Variants in METTL25 observed in about 807,000 individuals in gnomAD.
The protein encoded by METTL25 is methyltransferase like 25.
METTL25 carries 64 observed loss-of-function variants against 71.6 expected under a neutral mutation model. The ratio of observed to expected loss-of-function variants is 0.89; its 90% confidence interval spans 0.73 to 1.10. The LOEUF (loss-of-function observed/expected upper bound fraction) is 1.10, where lower values mean the gene tolerates loss of function less well. METTL25 is among the 50% of genes least tolerant of loss of function. METTL25 has a pLI of 0.00. For synonymous variants in METTL25, 287 were observed against 250.3 expected, an observed-to-expected ratio of 1.15 and a Z score of -1.38; for missense variants, 807 against 707.0, an observed-to-expected ratio of 1.14 and a Z score of -1.60.
intron 1 of METTL25, among the ~76,000 whole-genome samples, chr12:82,375,999 A>G (rs1300455262): frequency 1.3e-5 from 2 of 152,260 alleles, no homozygotes; most frequent in Non-Finnish European, 2.9e-5. Flanking sequence ...TTGTAGCACA[A>G]AACAAAATGG....
chr12:82,375,941 G>A (rs1883811229), intron 1 of METTL25, among the ~76,000 whole-genome samples: 1 of 152,112 alleles, frequency 6.6e-6, no homozygotes, highest in African/African-American at 2.4e-5. Flanking sequence ...TATGACCTCT[G>A]CCTTCAAAAA....
chr12:82,460,627 C>G (rs1365264764), intron 9 of METTL25, among the ~76,000 whole-genome samples: 2 of 152,174 alleles, frequency 1.3e-5, no homozygotes, highest in African/African-American at 4.8e-5. Context: ...AGTGGAGAAA[C>G]ATTCTACAAA....
Position 82,438,794 on chromosome 12 carries a change from A to G in METTL25, c.1478+3A>G. 6.7e-7 allele frequency: 1 copy of G among 1,489,366 alleles called. No individual in the cohort carries two copies. Among genetic ancestry groups the G allele is most frequent in the Non-Finnish European group, 9.2e-7 (1 of 1,089,126 alleles). 92.3% of individuals were successfully genotyped at this position (1,489,366 alleles called of 1,614,324 possible). ...GATTGTTATGGCATCACCAAATGGT[A>G]TGAGGATTTTATTTTAATAAGAATA... is the stretch of plus-strand genomic sequence containing the variant. On this transcript the variant is annotated splice_donor_region_variant and intron_variant, in intron 8 of 11. Coordinates refer to ENST00000248306, the MANE Select transcript of METTL25 (RefSeq NM_032230.3).
Position 82,371,335 on chromosome 12 carries a change from C to T in METTL25, c.259+12511C>T, listed in dbSNP as rs114228865. ...ATCATCTGGTTGGGGCCTCCTGGCC[C>T]GGAGAATCTTTGCCCTCTGGGGCAG... is the stretch of plus-strand genomic sequence containing the variant. On this transcript the variant is annotated intron_variant, in intron 1 of 11. Transcript: ENST00000248306. 3.6e-3 allele frequency among the ~76,000 whole-genome samples: 541 copies of T among 152,312 alleles called. 5 individuals are homozygous for T. The highest frequency in any genetic ancestry group is 0.012 in the African/African-American group (504 of 41,566).
intron 5 of METTL25, among the ~76,000 whole-genome samples, chr12:82,420,995 C>T (rs576331162): frequency 1.1e-4 from 17 of 151,960 alleles, no homozygotes; most frequent in Admixed American, 2.0e-4. Flanking sequence ...CGAAGTAGCT[C>T]GGATTACAGG....
chr12:82,400,575 A>G (rs1368221403), intron 4 of METTL25, among the ~76,000 whole-genome samples: 1 of 17,810 alleles, frequency 5.6e-5, no homozygotes, highest in African/African-American at 2.0e-4. Flanking sequence ...AATCTCAATG[A>G]CTTTAGTTTA....
At chr12:82,425,551 T>G (rs2137123697) in intron 5 of METTL25, among the ~76,000 whole-genome samples, 1 of 152,214 alleles carries the variant, frequency 6.6e-6, no homozygotes, top group South Asian at 2.1e-4. Flanking sequence ...ACAGTATTTT[T>G]TAACCCATTG....
At chr12:82,437,455 G>A (rs946155852) in intron 7 of METTL25, among the ~76,000 whole-genome samples, 2 of 151,374 alleles carry the variant, frequency 1.3e-5, no homozygotes, top group Admixed American at 1.3e-4. Flanking sequence ...AGTGCCATCA[G>A]GGGAAGATGT....
intron 9 of METTL25, among the ~76,000 whole-genome samples, chr12:82,464,493 C>G (rs1272882274): frequency 6.6e-6 from 1 of 151,954 alleles, no homozygotes; most frequent in Admixed American, 6.6e-5. Context: ...ATGCCAGTAT[C>G]ATGTTGTTTT....
In METTL25 at chr12:82,410,216, C is replaced by CT. The variant is rs1445749967; in HGVS notation, c.1279+7087dup. Among the ~76,000 whole-genome samples the CT allele has an allele frequency of 3.3e-5, 5 of 152,194 alleles. No homozygotes were observed. In the South Asian group the frequency reaches 1.0e-3, roughly 31 times the overall value. ...AAATATTCTATATATGGTACTAAAA[C>CT]TGCTAACATAACATTAACCAGTTAA... On this transcript the variant is annotated intron_variant, in intron 5 of 11. Coordinates refer to ENST00000248306, the MANE Select transcript of METTL25 (RefSeq NM_032230.3).
rs779857890 is a variant in METTL25, at chr12:82,399,221, A to G, written c.958A>G (p.Ile320Val). ...NSFSLINLLP[I>V]NAVEPTSSQQ... ...CTTTTCTCTTATAAACCTTTTGCCT[A>G]TTAATGCTGTAGAGCCTACTTCTTC... The change falls in exon 4 of 12, where the codon ATT (isoleucine) becomes GTT (valine). Residue 320 changes from isoleucine (I) to valine (V), a missense_variant. Ile to Val is a conservative substitution (Grantham distance 29). Coordinates refer to ENST00000248306, the MANE Select transcript of METTL25 (RefSeq NM_032230.3). 1 of 1,613,460 alleles carries G rather than the reference A, an allele frequency of 6.2e-7. No individual in the cohort carries two copies. The highest frequency in any genetic ancestry group is 2.2e-5 in the East Asian group (1 of 44,792).
chr12:82,444,880 G>T (rs965982895), intron 8 of METTL25, among the ~76,000 whole-genome samples: 1 of 152,074 alleles, frequency 6.6e-6, no homozygotes, highest in Non-Finnish European at 1.5e-5. Flanking sequence ...AGAGATGGAA[G>T]AAAGATACTC....
chr12:82,441,292 T>TTTTATA (rs1555215669), intron 8 of METTL25, among the ~76,000 whole-genome samples: 11 of 148,642 alleles, frequency 7.4e-5, no homozygotes, highest in African/African-American at 2.5e-4. Flanking sequence ...CACTAACATC[T>TTTTATA]TATATATATA....
rs765749935 is a variant in METTL25 at position 82,441,295 on chromosome 12, T to TATAG, written c.1478+2507_1478+2508insGATA. Among the ~76,000 whole-genome samples the TATAG allele has an allele frequency of 3.8e-4, 58 of 150,982 alleles. No individual in the cohort carries two copies. In the South Asian group the frequency reaches 4.0e-3, roughly 10 times the overall value. ...GCCTCAAATTATCACTAACATCTTA[T>TATAG]ATATATATATATAGTACCTTACAAA... On this transcript the variant is annotated intron_variant, in intron 8 of 11. Coordinates refer to ENST00000248306, the MANE Select transcript of METTL25 (RefSeq NM_032230.3).
At chr12:82,420,258 A>G (rs1184283047) in intron 5 of METTL25, among the ~76,000 whole-genome samples, 2 of 152,166 alleles carry the variant, frequency 1.3e-5, no homozygotes, top group Non-Finnish European at 2.9e-5. Context: ...TTGGAGATAT[A>G]TTGTGTGTAT....
Position 82,358,733 on chromosome 12 carries a change from G to A in METTL25, c.168G>A (p.Glu56=), listed in dbSNP as rs574306275. The A allele has an allele frequency of 6.2e-7, 1 of 1,614,174 alleles. No homozygotes were observed. The highest frequency in any genetic ancestry group is 2.2e-5 in the East Asian group (1 of 44,888). Residue 56 remains glutamate, a synonymous_variant, in exon 1 of 12, where the codon GAG becomes GAA. Coordinates refer to ENST00000248306, the MANE Select transcript of METTL25 (RefSeq NM_032230.3). ...AGGAGCTGGTCGACTTGCCACCGGA[G>A]ACAGTGCTGGCTGCGCTGAGGAAGT... ...VWEELVDLPP[E]TVLAALRKSA...
At chr12:82,404,953 A>G (rs917819910) in intron 5 of METTL25, among the ~76,000 whole-genome samples, 1 of 152,114 alleles carries the variant, frequency 6.6e-6, no homozygotes, top group Non-Finnish European at 1.5e-5. Flanking sequence ...TCAAAAGAAA[A>G]AAAAAAAAAA....
At chr12:82,397,449 A>G (rs1022336115) in intron 3 of METTL25, among the ~76,000 whole-genome samples, 6 of 152,042 alleles carry the variant, frequency 3.9e-5, no homozygotes, top group African/African-American at 1.4e-4. Flanking sequence ...TTTTAATTTT[A>G]GTAAAGTCCA....
intron 5 of METTL25, among the ~76,000 whole-genome samples, chr12:82,407,560 T>C (rs1341113590): frequency 2.0e-5 from 3 of 152,132 alleles, no homozygotes; most frequent in African/African-American, 7.2e-5. Flanking sequence ...CTAATAGTAA[T>C]ATCTTAATGT....
Sources: allele counts gnomAD v4.1 joint callset (sites outside exome capture counted in the v4.1 genomes callset), GRCh38; gene constraint gnomAD v4.1.1; transcripts MANE v1.5; gene names NCBI Gene and HGNC (gene_info 2026-07-23, HGNC 2026-07-21).